Variants in RIPK1 observed in about 807,000 individuals in gnomAD.
RIPK1 encodes receptor interacting serine/threonine kinase 1.
A neutral mutation model predicts 62.4 loss-of-function variants in RIPK1; 27 were observed. The ratio of observed to expected loss-of-function variants is 0.43; its 90% CI spans 0.32 to 0.60. The LOEUF (loss-of-function observed/expected upper bound fraction) is 0.60, where lower values mean the gene tolerates loss of function less well. RIPK1 is among the 20% of genes least tolerant of loss of function. RIPK1 has a pLI of 0.07. For synonymous variants in RIPK1, 287 were observed against 303.2 expected, an observed-to-expected ratio of 0.95 and a Z score of 0.55; for missense variants, 735 against 831.0, an observed-to-expected ratio of 0.88 and a Z score of 1.42.
chr6:3,078,535 C>G (rs367624826), intron 3 of RIPK1, among the ~76,000 whole-genome samples: 61 of 152,278 alleles, frequency 4.0e-4, no homozygotes, highest in African/African-American at 1.4e-3. Flanking sequence ...GAGACAAGCC[C>G]TGTCTTCATG....
At position 3,072,427 on chromosome 6, in the gene RIPK1, T is replaced by C. The variant is rs1458997391; in HGVS notation, c.-61+3766T>C. ...TATAAAACACACACAAATGTGAATA[T>C]AATTTTTACAGATTTATTCGTCAAA... On this transcript the variant is annotated intron_variant, in intron 1 of 10. Coordinates refer to ENST00000259808, the MANE Select transcript of RIPK1 (RefSeq NM_001354930.2). The surrounding 1 kb of genome is among the most constrained non-coding windows in gnomAD (Gnocchi z 5.6). 6.6e-6 allele frequency among the ~76,000 whole-genome samples: 1 copy of C among 152,114 alleles called. No individual in the cohort carries two copies. Among genetic ancestry groups the C allele is most frequent in the African/African-American group, 2.4e-5 (1 of 41,398 alleles).
chr6:3,085,746 C>T (rs1002282072), intron 6 of RIPK1, among the ~76,000 whole-genome samples: 19 of 152,168 alleles, frequency 1.2e-4, no homozygotes, highest in Non-Finnish European at 2.4e-4. Context: ...CACTTTCCAT[C>T]GTCTCTCTCC....
intron 4 of RIPK1, 81 bp from the exon 5 acceptor site, chr6:3,083,004 G>T (rs1759482005): frequency 7.1e-7 from 1 of 1,418,240 alleles, no homozygotes; most frequent in Admixed American, 1.7e-5. Flanking sequence ...ATGTATAATG[G>T]ATAAGCCCAA....
intron 1 of RIPK1, among the ~76,000 whole-genome samples, chr6:3,073,215 G>A (rs1758841337): frequency 7.3e-6 from 1 of 137,234 alleles, no homozygotes; most frequent in South Asian, 2.4e-4. Flanking sequence ...ACAAATATGT[G>A]TATATATACA....
intron 7 of RIPK1, among the ~76,000 whole-genome samples, chr6:3,090,090 C>G (rs1318272150): frequency 6.6e-6 from 1 of 152,188 alleles, no homozygotes; most frequent in Admixed American, 6.5e-5. Context: ...GCACAGTCAC[C>G]TGGGATGTTG....
intron 9 of RIPK1, among the ~76,000 whole-genome samples, chr6:3,108,042 CTA>C (rs1760953505): frequency 6.6e-6 from 1 of 151,696 alleles, no homozygotes; most frequent in Non-Finnish European, 1.5e-5. Context: ...AGTCCTAACT[CTA>C]TACCAAAATA....
intron 7 of RIPK1, among the ~76,000 whole-genome samples, chr6:3,096,577 T>TG (rs1760315916): frequency 1.5e-5 from 2 of 135,958 alleles, no homozygotes; most frequent in Admixed American, 7.1e-5. Flanking sequence ...TTTTTTTTTT[T>TG]GAGACAGAGT....
intron 7 of RIPK1, among the ~76,000 whole-genome samples, chr6:3,095,066 AAAAG>A (rs1301531254): frequency 6.6e-6 from 1 of 152,118 alleles, no homozygotes. Context: ...TCTGAGAAAA[AAAAG>A]AAAAAAAAGA....
intron 7 of RIPK1, among the ~76,000 whole-genome samples, chr6:3,090,823 C>G (rs9765946): frequency 0.017 from 1,053 of 61,948 alleles, 10 homozygotes; most frequent in Non-Finnish European, 0.024. Flanking sequence ...GTAACCGCAG[C>G]GCACCTACCT....
chr6:3,064,955 C>A (rs990768279), upstream of RIPK1, among the ~76,000 whole-genome samples: 25 of 152,032 alleles, frequency 1.6e-4, no homozygotes, highest in Non-Finnish European at 3.2e-4. Context: ...TAAGACACCG[C>A]TTTCTGGTCG....
intron 1 of RIPK1, 98 bp downstream of exon 1, chr6:3,068,759 G>GC (rs1488588670): frequency 1.8e-5 from 13 of 725,758 alleles, no homozygotes; most frequent in Middle Eastern, 7.1e-4. Flanking sequence ...CCCCCAGCAC[G>GC]CCCGGGCAAG....
At chr6:3,111,629 G>A (rs1397256771) in intron 10 of RIPK1, among the ~76,000 whole-genome samples, 1 of 151,862 alleles carries the variant, frequency 6.6e-6, no homozygotes, top group Admixed American at 6.6e-5. Flanking sequence ...CAGACAATAT[G>A]TACATGAATG....
chr6:3,105,691 A>G lies in RIPK1; in HGVS notation c.1216A>G (p.Asn406Asp). 6.2e-7 allele frequency: 1 copy of G among 1,614,170 alleles called. No homozygotes were observed. The highest frequency in any genetic ancestry group is 8.5e-7 in the Non-Finnish European group (1 of 1,180,010). The change falls in exon 9 of 11, where the codon AAC becomes GAC. Residue 406 changes from asparagine to aspartate, a missense_variant. Around this residue, in one of 2 missense-constraint regions of RIPK1, gnomAD observed 671 missense variants for 726.2 expected, o/e 0.92. Coordinates refer to ENST00000259808, the MANE Select transcript of RIPK1 (RefSeq NM_001354930.2). This position sits in a 1 kb window ranked among gnomAD's most constrained non-coding sequence, Gnocchi z 4.5. The part of the protein sequence containing the change: ...KQQPRQNVAY[N>D]REEERRRRVS... ...GCAGCCCAGACAGAATGTGGCTTACAACAGAGAGGAGGAAAGGAGACGCAG... is the reference window on the plus strand; with the variant it reads ...GCAGCCCAGACAGAATGTGGCTTACGACAGAGAGGAGGAAAGGAGACGCAG...
At position 3,076,794 on chromosome 6, in the gene RIPK1, G is replaced by A; in HGVS notation, c.-30G>A. On this transcript the variant is annotated 5_prime_UTR_variant, in exon 2 of 11. Transcript: ENST00000259808. ...AGCTCTGCCGGGGGGGGAAAAAGTG[G>A]TACCATTTTGGGCGTTCTTGAGCTT... The A allele has an allele frequency of 6.2e-7, 1 of 1,608,056 alleles. No homozygotes were observed. Among genetic ancestry groups the A allele is most frequent in the South Asian group, 1.1e-5 (1 of 90,714 alleles).
chr6:3,104,212 C>T lies in RIPK1; in HGVS notation c.916-13C>T, dbSNP rs976198343. 12 of 1,303,008 alleles carry T rather than the reference C, an allele frequency of 9.2e-6. No homozygotes were observed. Among genetic ancestry groups the T allele is most frequent in the Non-Finnish European group, 1.2e-5 (11 of 904,618 alleles). 80.7% of individuals were successfully genotyped at this position (1,303,008 alleles called of 1,614,324 possible). A position where few individuals can be genotyped will look rare whatever the true frequency, so the allele number is the denominator to read the frequency against. ...CTGTTCACTAAAGTGTGTATTTATG[C>T]TCTTAATTATAGAAAGAGTATTCAA... On this transcript the variant is annotated splice_polypyrimidine_tract_variant and intron_variant, in intron 7 of 10. Transcript: ENST00000259808.
At chr6:3,080,115 G>A (rs114297859) in intron 3 of RIPK1, among the ~76,000 whole-genome samples, 2,039 of 152,370 alleles carry the variant, frequency 0.013, 13 homozygotes, top group Middle Eastern at 0.027. Flanking sequence ...TGGTGATCAA[G>A]CTATTAACAG....
chr6:3,087,422 G>GT (rs756179356), intron 6 of RIPK1, among the ~76,000 whole-genome samples: 7,159 of 149,284 alleles, frequency 0.048, 432 homozygotes, highest in African/African-American at 0.15. Flanking sequence ...TGTTTTTTTT[G>GT]TTTTTTTTGT....
chr6:3,080,811 A>ATGAAATCTTTCT (rs1252850388), intron 3 of RIPK1, among the ~76,000 whole-genome samples, 168 bp from the exon 4 acceptor site: 4 of 143,928 alleles, frequency 2.8e-5, no homozygotes, highest in African/African-American at 1.1e-4. Flanking sequence ...CCCCCCCCGA[A>ATGAAATCTTTCT]TGAAATCTTT....
Position 3,105,700 on chromosome 6 carries a change from G to C in RIPK1, c.1225G>C (p.Glu409Gln). ...ACAGAATGTGGCTTACAACAGAGAGGAGGAAAGGAGACGCAGGGTCTCCCA... is the reference window on the plus strand; with the variant it reads ...ACAGAATGTGGCTTACAACAGAGAGCAGGAAAGGAGACGCAGGGTCTCCCA... Reference protein sequence around the residue: ...PRQNVAYNREEERRRRVSHDP... With the variant: ...PRQNVAYNREQERRRRVSHDP... The change falls in exon 9 of 11, where the codon GAG (glutamate) becomes CAG (glutamine). Residue 409 changes from glutamate to glutamine, a missense_variant. Glu to Gln is a conservative substitution (Grantham distance 29). Around this residue, in one of 2 missense-constraint regions of RIPK1, gnomAD observed 671 missense variants for 726.2 expected, o/e 0.92. Transcript: ENST00000259808. The surrounding 1 kb of genome is among the most constrained non-coding windows in gnomAD (Gnocchi z 4.5). 1 of 1,614,190 alleles carries C rather than the reference G, an allele frequency of 6.2e-7. No individual in the cohort carries two copies. Among genetic ancestry groups the C allele is most frequent in the South Asian group, 1.1e-5 (1 of 91,084 alleles).
Sources: gnomAD v4.1 joint callset for allele counts (sites outside exome capture counted in the v4.1 genomes callset) on GRCh38, gnomAD v4.1.1 for gene constraint, gnomAD v4.1.1 regional missense constraint, Gnocchi (gnomAD v3.1) non-coding constraint, MANE v1.5 for transcripts, NCBI Gene and HGNC (gene_info 2026-07-23, HGNC 2026-07-21) for gene names.